The following LRRC37A3 variants were observed in gnomAD, a reference collection of about 807,000 sequenced individuals.
LRRC37A3 encodes leucine-rich repeat-containing protein 37A3.
Under a neutral mutation model 106.2 loss-of-function variants are expected in LRRC37A3, and 25 were observed. The observed-to-expected ratio is 0.24, with a 90% CI of 0.17 to 0.33. LRRC37A3 has a LOEUF of 0.33. Ranked by LOEUF, LRRC37A3 falls within the 10% of genes least tolerant of loss-of-function variation. LRRC37A3 has a pLI of 1.00. For missense variants in LRRC37A3, 712 were observed against 1,644.9 expected (o/e 0.43, Z 9.81); for synonymous variants, 305 against 635.8 (o/e 0.48, Z 7.83).
chr17:64,918,682 G>A, intron 2 of LRRC37A3, 68 bp downstream of exon 2: 2 of 282,072 alleles, frequency 7.1e-6, no homozygotes, highest in Non-Finnish European at 1.4e-5. Flanking sequence ...AGATATCATG[G>A]CATAAGTGAA....
At position 64,854,178 on chromosome 17, in the gene LRRC37A3, G is replaced by T. The variant is rs1235627217; in HGVS notation, c.*421C>A. ...TTTTGCCATCTTGTAAGGGTGAAAA[G>T]CCCCCTACCAAGTCGGGATGAACAT... is the stretch of plus-strand genomic sequence containing the variant. On this transcript the variant is annotated 3_prime_UTR_variant, in exon 15 of 15. Transcript: ENST00000584306. 6 of 246,306 alleles carry T rather than the reference G, an allele frequency of 2.4e-5. No individual in the cohort carries two copies. Among genetic ancestry groups the T allele is most frequent in the East Asian group, 9.9e-5 (1 of 10,100 alleles). The allele number at this position is 246,306 out of a possible 1,614,324, so 15.3% of individuals were successfully genotyped here.
At chr17:64,919,189 G>A (rs1974774539) in intron 1 of LRRC37A3, among the ~76,000 whole-genome samples, 1 of 151,872 alleles carries the variant, frequency 6.6e-6, no homozygotes, top group South Asian at 2.1e-4. Flanking sequence ...GGCGGCGGCG[G>A]GGCCGGGGCG....
Position 64,860,122 on chromosome 17 carries a change from G to A in LRRC37A3, c.4024C>T (p.Leu1342Phe), listed in dbSNP as rs1228352612. Residue 1342 changes from leucine to phenylalanine, a missense_variant, in exon 12 of 15, where the codon CTT becomes TTT. Physicochemically the swap from Leu to Phe is conservative, Grantham distance 22 (BLOSUM62 0). Coordinates refer to ENST00000584306, the MANE Select transcript of LRRC37A3 (RefSeq NM_199340.5). The stretch of plus-strand genomic sequence containing the variant: ...AGGCTCTTCGCTGCAGAGAACGGAA[G>A]CCTGTTTGAGAGCATCAGTCTACTC... Reference protein sequence around the residue: ...YLSRLMLSNRLPFSAAKSLIN... With the variant: ...YLSRLMLSNRFPFSAAKSLIN... 1.2e-6 allele frequency: 2 copies of A among 1,613,998 alleles called. No individual in the cohort carries two copies. The highest frequency in any genetic ancestry group is 1.7e-6 in the Non-Finnish European group (2 of 1,179,872).
At chr17:64,861,379 A>G (rs9899405) in intron 11 of LRRC37A3, among the ~76,000 whole-genome samples, 20,210 of 152,068 alleles carry the variant, frequency 0.13, 4,556 homozygotes, top group African/African-American at 0.46. Flanking sequence ...GCTCCTGCTC[A>G]CCTCGTCCTC....
At chr17:64,855,745 T>C (rs1386897308) in intron 14 of LRRC37A3, 95 bp downstream of exon 14, 1 of 1,583,616 alleles carries the variant, frequency 6.3e-7, no homozygotes, top group Non-Finnish European at 8.6e-7. Context: ...GAGGTTGCCG[T>C]GAGCCGAGAT....
At chr17:64,868,728 T>G (rs1190701000) in intron 9 of LRRC37A3, among the ~76,000 whole-genome samples, 192 bp from the exon 10 acceptor site, 1 of 151,220 alleles carries the variant, frequency 6.6e-6, no homozygotes, top group Non-Finnish European at 1.5e-5. Context: ...GAGCAGAACT[T>G]ACACTTTTTT....
At position 64,860,333 on chromosome 17, in the gene LRRC37A3, T is replaced by C. The variant is rs771147933; in HGVS notation, c.3813A>G (p.Arg1271=). The C allele has an allele frequency of 1.9e-6, 3 of 1,613,870 alleles. No homozygotes were observed. The highest frequency in any genetic ancestry group is 2.7e-5 in the African/African-American group (2 of 74,922). Residue 1271 remains arginine (R), a synonymous_variant, in exon 12 of 15, where the codon AGA becomes AGG. Coordinates refer to ENST00000584306, the MANE Select transcript of LRRC37A3 (RefSeq NM_199340.5). The stretch of plus-strand genomic sequence containing the variant: ...AAATAGCGTGGGTTAAGTCTTTCCA[T>C]CTGTCTCTCACCTGTGGTAGGGCTT... ...PAKALPQVRD[R]WKDLTHAISI... is the part of the protein sequence containing the mutation.
At chr17:64,861,327 G>A (rs954865020) in intron 11 of LRRC37A3, among the ~76,000 whole-genome samples, 8 of 152,134 alleles carry the variant, frequency 5.3e-5, no homozygotes, top group East Asian at 1.9e-4. Flanking sequence ...AGACTGCTCC[G>A]TACCCTGTGC....
At chr17:64,878,814 C>G (rs1314655946) in intron 8 of LRRC37A3, among the ~76,000 whole-genome samples, 1 of 152,190 alleles carries the variant, frequency 6.6e-6, no homozygotes, top group African/African-American at 2.4e-5. Context: ...TATGATCTAG[C>G]AATTCTGCTA....
Position 64,858,878 on chromosome 17 carries a change from TG to T in LRRC37A3, c.4709del (p.Thr1570LysfsTer17), listed in dbSNP as rs750678817. The T allele has an allele frequency of 6.2e-7, 1 of 1,602,148 alleles. No individual in the cohort carries two copies. The highest frequency in any genetic ancestry group is 2.2e-5 in the East Asian group (1 of 44,800). The part of the protein sequence containing the change: ...SEQKEKSLEF[T>X]KELPGYGYTK... ...TATAGCCATATCCTGGAAGTTCTTTTGTGAACTAAAAAAAAAAAAACCAGAA... is the reference window on the plus strand; with the variant it reads ...TATAGCCATATCCTGGAAGTTCTTTTTGAACTAAAAAAAAAAAAACCAGAA... On this transcript the variant is annotated frameshift_variant, in exon 13 of 15. Coordinates refer to ENST00000584306, the MANE Select transcript of LRRC37A3 (RefSeq NM_199340.5). LOFTEE classifies it high-confidence loss of function.
At chr17:64,856,981 A>AG (rs904042755) in intron 13 of LRRC37A3, among the ~76,000 whole-genome samples, 2 of 152,030 alleles carry the variant, frequency 1.3e-5, no homozygotes, top group African/African-American at 2.4e-5. Flanking sequence ...GGCCCTGAGA[A>AG]GGGAAAAAAA....
At chr17:64,869,570 T>C (rs1260090660) in intron 8 of LRRC37A3, among the ~76,000 whole-genome samples, 2 of 147,286 alleles carry the variant, frequency 1.4e-5, no homozygotes, top group Non-Finnish European at 3.0e-5. Context: ...AGTCTCGCTC[T>C]TGTTGCCCAG....
At chr17:64,891,699 C>T (rs1598422659) in intron 5 of LRRC37A3, among the ~76,000 whole-genome samples, 2 of 147,206 alleles carry the variant, frequency 1.4e-5, no homozygotes, top group Admixed American at 1.3e-4. Context: ...TGGGGTGACC[C>T]TCTCAGTACT....
intron 1 of LRRC37A3, among the ~76,000 whole-genome samples, chr17:64,919,153 G>T: frequency 6.6e-6 from 1 of 151,838 alleles, no homozygotes; most frequent in Non-Finnish European, 1.5e-5. Flanking sequence ...GCGGAACCCC[G>T]GATGGGTCCG....
intron 13 of LRRC37A3, among the ~76,000 whole-genome samples, chr17:64,856,560 T>A (rs1457122911): frequency 6.6e-6 from 1 of 151,778 alleles, no homozygotes; most frequent in Non-Finnish European, 1.5e-5. Context: ...ACTTTCTGTT[T>A]GTATTTTTAT....
intron 2 of LRRC37A3, among the ~76,000 whole-genome samples, chr17:64,915,919 G>A (rs890381013): frequency 1.1e-4 from 16 of 151,888 alleles, no homozygotes; most frequent in East Asian, 3.9e-4. Flanking sequence ...GCAACATAGC[G>A]AAACCCCATC....
chr17:64,860,217 G>C lies in LRRC37A3; in HGVS notation c.3929C>G (p.Thr1310Ser), dbSNP rs1223032350. The C allele has an allele frequency of 8.7e-6, 14 of 1,613,858 alleles. No homozygotes were observed. Among genetic ancestry groups the C allele is most frequent in the Non-Finnish European group, 1.1e-5 (13 of 1,179,886 alleles). The change falls in exon 12 of 15, where the codon ACT becomes AGT. Residue 1310 changes from threonine (T) to serine (S), a missense_variant. Coordinates refer to ENST00000584306, the MANE Select transcript of LRRC37A3 (RefSeq NM_199340.5). ...HSRKKYRFHK[T>S]RSRMTHRTPK... ...TGTTCTGTGGGTCATGCGGGAGCGA[G>C]TTTTGTGAAAGCGGTATTTTTTTCT...
At chr17:64,875,502 A>C (rs1308288955) in intron 8 of LRRC37A3, among the ~76,000 whole-genome samples, 2 of 152,208 alleles carry the variant, frequency 1.3e-5, no homozygotes, top group Non-Finnish European at 1.5e-5. Flanking sequence ...GAAATAAAAA[A>C]CACTGGCTGG....
chr17:64,916,905 C>A (rs1285022620), intron 2 of LRRC37A3, among the ~76,000 whole-genome samples: 1 of 150,038 alleles, frequency 6.7e-6, no homozygotes, highest in Non-Finnish European at 1.5e-5. Flanking sequence ...GAAATTAAAA[C>A]CAGAAGAAGC....
Sources: gnomAD v4.1 joint callset for allele counts (sites outside exome capture counted in the v4.1 genomes callset) on GRCh38, gnomAD v4.1.1 for gene constraint, MANE v1.5 for transcripts, NCBI Gene and HGNC (gene_info 2026-07-23, HGNC 2026-07-21) for gene names.